The following ZNF385B variants were observed in gnomAD, a reference collection of about 807,000 sequenced individuals.
ZNF385B encodes zinc finger protein 385B.
ZNF385B carries 23 observed loss-of-function variants against 39.2 expected under a neutral mutation model. That is an observed-to-expected ratio of 0.59 (90% confidence interval 0.42 to 0.83). The LOEUF (loss-of-function observed/expected upper bound fraction) is 0.83, where lower values mean the gene tolerates loss of function less well. Among genes scored for constraint, ZNF385B ranks in the 40% least tolerant of loss-of-function variants. ZNF385B has a pLI of 0.00. For missense variants in ZNF385B, 552 were observed against 598.9 expected (o/e 0.92, Z 0.82); for synonymous variants, 205 against 222.6 (o/e 0.92, Z 0.70).
At chr2:179,822,858 G>T (rs1228710747) in intron 1 of ZNF385B, among the ~76,000 whole-genome samples, 2 of 152,080 alleles carry the variant, frequency 1.3e-5, no homozygotes, top group South Asian at 4.1e-4. Flanking sequence ...TTACATATAA[G>T]GCATACCAGT....
intron 5 of ZNF385B, 110 bp downstream of exon 5, chr2:179,518,418 C>T (rs907976223): frequency 6.4e-6 from 5 of 785,670 alleles, no homozygotes; most frequent in Non-Finnish European, 1.0e-5. Flanking sequence ...AGTGGGCTAC[C>T]AATAGGAGTG....
At chr2:179,585,050 G>C (rs1686944776) in intron 3 of ZNF385B, among the ~76,000 whole-genome samples, 3 of 152,118 alleles carry the variant, frequency 2.0e-5, no homozygotes, top group South Asian at 2.1e-4. Context: ...GAAGACATTG[G>C]TGACCTTTGC....
intron 5 of ZNF385B, among the ~76,000 whole-genome samples, chr2:179,502,551 T>C (rs2056862112): frequency 6.6e-6 from 1 of 152,172 alleles, no homozygotes; most frequent in Non-Finnish European, 1.5e-5. Context: ...CTGCCATCCA[T>C]GTGAAGACGT....
intron 9 of ZNF385B, 39 bp from the exon 10 acceptor site, chr2:179,443,507 TG>T: frequency 6.7e-7 from 1 of 1,482,274 alleles, no homozygotes; most frequent in Non-Finnish European, 9.2e-7. Context: ...GTGGAGATCC[TG>T]TTTTTGAATA....
intron 1 of ZNF385B, among the ~76,000 whole-genome samples, chr2:179,815,908 G>T (rs111667465): frequency 0.034 from 5,177 of 152,094 alleles, 117 homozygotes; most frequent in African/African-American, 0.067. Context: ...TGCTCCAAGG[G>T]TCAGTCTTTG....
chr2:179,711,611 T>C (rs1700001581), intron 3 of ZNF385B, among the ~76,000 whole-genome samples: 1 of 152,148 alleles, frequency 6.6e-6, no homozygotes, highest in Non-Finnish European at 1.5e-5. Flanking sequence ...GATTCATTCC[T>C]TATTTATCAG....
intron 1 of ZNF385B, among the ~76,000 whole-genome samples, chr2:179,774,225 G>A (rs76300469): frequency 0.012 from 1,889 of 151,910 alleles, 45 homozygotes; most frequent in African/African-American, 0.042. Context: ...TGTACGGGGA[G>A]TGTAGGGGAT....
chr2:179,699,626 G>A (rs1462358400), intron 3 of ZNF385B, among the ~76,000 whole-genome samples: 1 of 152,194 alleles, frequency 6.6e-6, no homozygotes, highest in African/African-American at 2.4e-5. Flanking sequence ...GCTATAAACA[G>A]TACATGACAC....
intron 3 of ZNF385B, among the ~76,000 whole-genome samples, chr2:179,577,294 A>AT (rs937274976): frequency 1.8e-4 from 28 of 152,212 alleles, no homozygotes; most frequent in Admixed American, 3.3e-4. Context: ...CTAGAATAAT[A>AT]TTTTTTCCAT....
chr2:179,680,044 A>C (rs1164132197), intron 3 of ZNF385B, among the ~76,000 whole-genome samples: 3 of 152,144 alleles, frequency 2.0e-5, no homozygotes, highest in African/African-American at 7.2e-5. Flanking sequence ...AATAATTATA[A>C]AATTTGTACC....
intron 3 of ZNF385B, among the ~76,000 whole-genome samples, chr2:179,734,081 A>G (rs1286708009): frequency 6.6e-6 from 1 of 152,202 alleles, no homozygotes; most frequent in African/African-American, 2.4e-5. Context: ...CAGTTCTTAC[A>G]GACATATCTT....
At position 179,443,198 on chromosome 2, in the gene ZNF385B, G is replaced by A; in HGVS notation, c.*52C>T. On this transcript the variant is annotated 3_prime_UTR_variant, in exon 10 of 10. Coordinates refer to ENST00000410066, the MANE Select transcript of ZNF385B (RefSeq NM_152520.6). ...CTGCTTAAATTGCTGAATCCTTGTGGCTTTCTTTCTCAACTTCCTACTGGC... is the reference window on the plus strand; with the variant it reads ...CTGCTTAAATTGCTGAATCCTTGTGACTTTCTTTCTCAACTTCCTACTGGC... The A allele has an allele frequency of 6.2e-7, 1 of 1,602,332 alleles. No homozygotes were observed. The highest frequency in any genetic ancestry group is 1.1e-5 in the South Asian group (1 of 90,592).
intron 3 of ZNF385B, among the ~76,000 whole-genome samples, chr2:179,593,585 T>G (rs1252375112): frequency 6.6e-6 from 1 of 152,094 alleles, no homozygotes; most frequent in Admixed American, 6.5e-5. Flanking sequence ...AAAGATAACA[T>G]AGTTCTGAAG....
chr2:179,760,345 C>A (rs1703307291), intron 3 of ZNF385B, among the ~76,000 whole-genome samples: 1 of 151,780 alleles, frequency 6.6e-6, no homozygotes, highest in African/African-American at 2.4e-5. Flanking sequence ...TGAAACTCAC[C>A]CCTATCCCTT....
chr2:179,766,329 T>G (rs1229844691), intron 3 of ZNF385B, among the ~76,000 whole-genome samples: 2 of 152,084 alleles, frequency 1.3e-5, no homozygotes, highest in African/African-American at 4.8e-5. Flanking sequence ...GAACATCTAC[T>G]ACCACATATT....
intron 1 of ZNF385B, among the ~76,000 whole-genome samples, chr2:179,818,481 C>A (rs1399534166): frequency 6.6e-6 from 1 of 152,106 alleles, no homozygotes; most frequent in Admixed American, 6.5e-5. Flanking sequence ...CAACTGATGT[C>A]TCTCAATTAA....
intron 3 of ZNF385B, among the ~76,000 whole-genome samples, chr2:179,576,624 T>C (rs1685849490): frequency 6.6e-6 from 1 of 152,212 alleles, no homozygotes; most frequent in African/African-American, 2.4e-5. Context: ...AGCATCTTTC[T>C]ATAAGTGCAC....
chr2:179,690,699 C>T (rs541999182), intron 3 of ZNF385B, among the ~76,000 whole-genome samples: 1 of 152,294 alleles, frequency 6.6e-6, no homozygotes, highest in African/African-American at 2.4e-5. Flanking sequence ...TGTCAAGTCA[C>T]TTCATTTTTC....
intron 6 of ZNF385B, among the ~76,000 whole-genome samples, chr2:179,475,444 G>T (rs1044247637): frequency 7.2e-5 from 11 of 151,788 alleles, no homozygotes; most frequent in African/African-American, 2.7e-4. Flanking sequence ...TAAAGACAGG[G>T]TTTCACCACA....
Sources: allele counts gnomAD v4.1 joint callset (sites outside exome capture counted in the v4.1 genomes callset), GRCh38; gene constraint gnomAD v4.1.1; transcripts MANE v1.5; gene names NCBI Gene and HGNC (gene_info 2026-07-23, HGNC 2026-07-21).